SNTG2: variants seen among roughly 807,000 people sequenced by gnomAD.
The protein encoded by SNTG2 is gamma-2-syntrophin.
SNTG2 carries 74 observed loss-of-function variants against 70.9 expected under a neutral mutation model. The observed-to-expected ratio is 1.04, with a 90% CI of 0.86 to 1.27. SNTG2 has a LOEUF of 1.27. SNTG2 is among the 50% of genes most tolerant of loss of function. SNTG2 has a pLI of 0.00. For synonymous variants in SNTG2, 278 were observed against 273.8 expected (o/e 1.02, Z -0.15); for missense variants, 717 against 690.7 (o/e 1.04, Z -0.43).
At chr2:1,298,143 A>AT (rs1038790704) in intron 14 of SNTG2, among the ~76,000 whole-genome samples, 3 of 151,774 alleles carry the variant, frequency 2.0e-5, no homozygotes, top group African/African-American at 7.3e-5. Flanking sequence ...TTTTAGTTTT[A>AT]TTTTTTTGAG....
intron 4 of SNTG2, among the ~76,000 whole-genome samples, chr2:1,101,955 T>C (rs1332459190): frequency 6.6e-6 from 1 of 152,224 alleles, no homozygotes; most frequent in African/African-American, 2.4e-5. Context: ...GTTAGATCAG[T>C]GCAAAATATA....
intron 6 of SNTG2, among the ~76,000 whole-genome samples, chr2:1,141,202 C>G (rs1310136809): frequency 6.6e-6 from 1 of 152,194 alleles, no homozygotes; most frequent in Admixed American, 6.5e-5. Context: ...AGAGCTGAAG[C>G]TTGCTTTCCT....
At chr2:1,174,324 T>G (rs1208336958) in intron 8 of SNTG2, among the ~76,000 whole-genome samples, 1 of 152,014 alleles carries the variant, frequency 6.6e-6, no homozygotes, top group Non-Finnish European at 1.5e-5. Context: ...AATTTCATTT[T>G]ATTGCAAGGC....
intron 6 of SNTG2, among the ~76,000 whole-genome samples, chr2:1,149,711 G>A (rs1669347617): frequency 1.2e-5 from 1 of 85,064 alleles, no homozygotes; most frequent in African/African-American, 4.7e-5. Flanking sequence ...TTTTTCAAAT[G>A]GAATCTGGCT....
intron 1 of SNTG2, among the ~76,000 whole-genome samples, chr2:1,032,074 C>G (rs1178512348): frequency 1.3e-5 from 2 of 152,210 alleles, no homozygotes; most frequent in Non-Finnish European, 2.9e-5. Context: ...AAAGTAGCTA[C>G]TGACAGCATT....
At chr2:1,362,399 A>G (rs1429324993) in intron 16 of SNTG2, among the ~76,000 whole-genome samples, 5 of 152,082 alleles carry the variant, frequency 3.3e-5, no homozygotes, top group African/African-American at 1.2e-4. Flanking sequence ...TGAGCATTTC[A>G]GTAGAACTTC....
At chr2:993,550 A>G (rs1572201501) in intron 1 of SNTG2, among the ~76,000 whole-genome samples, 1 of 152,206 alleles carries the variant, frequency 6.6e-6, no homozygotes, top group South Asian at 2.1e-4. Flanking sequence ...ACTGTTTCCA[A>G]TTATATTTCA....
intron 9 of SNTG2, among the ~76,000 whole-genome samples, chr2:1,214,029 C>A (rs1386433808): frequency 6.6e-6 from 1 of 152,148 alleles, no homozygotes; most frequent in Non-Finnish European, 1.5e-5. Flanking sequence ...ATGATATGTT[C>A]CTGGCACTTT....
intron 1 of SNTG2, among the ~76,000 whole-genome samples, chr2:1,024,550 T>C (rs1332383147): frequency 6.6e-6 from 1 of 152,122 alleles, no homozygotes; most frequent in African/African-American, 2.4e-5. Flanking sequence ...TTTTTTAAAA[T>C]TGTTTGTAGA....
At chr2:1,044,234 C>T (rs999293052) in intron 1 of SNTG2, among the ~76,000 whole-genome samples, 24 of 151,974 alleles carry the variant, frequency 1.6e-4, no homozygotes, top group African/African-American at 5.8e-4. Context: ...AGAAATGCTA[C>T]TAATTTTGCA....
chr2:1,137,331 G>GCA (rs1274831527), intron 4 of SNTG2, among the ~76,000 whole-genome samples: 1 of 151,160 alleles, frequency 6.6e-6, no homozygotes, highest in Non-Finnish European at 1.5e-5. Flanking sequence ...GTGGACACAT[G>GCA]CACACACACA....
intron 1 of SNTG2, among the ~76,000 whole-genome samples, chr2:1,025,845 C>G (rs1025305654): frequency 6.6e-6 from 1 of 152,126 alleles, no homozygotes; most frequent in Non-Finnish European, 1.5e-5. Flanking sequence ...TTTGTGGGGG[C>G]CTTTGCCTAA....
At chr2:1,268,157 G>A (rs1678849021) in intron 14 of SNTG2, among the ~76,000 whole-genome samples, 1 of 152,242 alleles carries the variant, frequency 6.6e-6, no homozygotes, top group South Asian at 2.1e-4. Context: ...CTAAATAGCG[G>A]GATGATCCTT....
intron 12 of SNTG2, among the ~76,000 whole-genome samples, chr2:1,255,917 TAA>T (rs374124057): frequency 2.2e-5 from 2 of 91,628 alleles, no homozygotes; most frequent in Admixed American, 1.4e-4. Context: ...AATATATATA[TAA>T]ATATATAAAT....
intron 16 of SNTG2, among the ~76,000 whole-genome samples, chr2:1,355,797 A>C (rs185182016): frequency 8.9e-4 from 136 of 152,134 alleles, no homozygotes; most frequent in Non-Finnish European, 1.3e-3. Context: ...TTACCTTTCC[A>C]CCCACAATGT....
intron 1 of SNTG2, among the ~76,000 whole-genome samples, chr2:1,080,185 G>A (rs1344187167): frequency 6.6e-6 from 1 of 152,264 alleles, no homozygotes; most frequent in Middle Eastern, 3.4e-3. Flanking sequence ...CAGATGCATC[G>A]GTCACTGGGG....
At chr2:1,269,455 A>G (rs1366770111) in intron 14 of SNTG2, among the ~76,000 whole-genome samples, 2 of 152,040 alleles carry the variant, frequency 1.3e-5, no homozygotes, top group Admixed American at 1.3e-4. Flanking sequence ...CAAGAGTTTG[A>G]GGCTGCAGTG....
intron 2 of SNTG2, among the ~76,000 whole-genome samples, chr2:1,091,769 T>C (rs972476386): frequency 5.9e-5 from 9 of 152,216 alleles, no homozygotes; most frequent in Non-Finnish European, 7.3e-5. Flanking sequence ...TTCAAAACTC[T>C]AATCCCAGGA....
At chr2:1,323,508 CCCCCTGT>C (rs1681623210) in intron 16 of SNTG2, among the ~76,000 whole-genome samples, 2 of 114,390 alleles carry the variant, frequency 1.7e-5, no homozygotes, top group Admixed American at 9.1e-5. Flanking sequence ...ATGGCTGAGA[CCCCCTGT>C]AGGCTGGGAC....
Sources: allele counts gnomAD v4.1 joint callset (sites outside exome capture counted in the v4.1 genomes callset), GRCh38; gene constraint gnomAD v4.1.1; transcripts MANE v1.5; gene names NCBI Gene and HGNC (gene_info 2026-07-23, HGNC 2026-07-21).